The following NEURL1 variants were observed in gnomAD, a reference collection of about 807,000 sequenced individuals.
NEURL1 encodes the protein E3 ubiquitin-protein ligase NEURL1.
In NEURL1, 26 loss-of-function variants were observed where a neutral mutation model predicts 41.2. That is an observed-to-expected ratio of 0.63 (90% confidence interval 0.46 to 0.87). The LOEUF is 0.87. NEURL1 is among the 40% of genes least tolerant of loss of function. NEURL1 has a pLI of 0.00. For missense variants in NEURL1, 761 were observed against 871.1 expected, an observed-to-expected ratio of 0.87 and a Z score of 1.59; for synonymous variants, 400 against 402.3, an observed-to-expected ratio of 0.99 and a Z score of 0.07.
At chr10:103,560,755 A>G (rs2035274949) in intron 1 of NEURL1, among the ~76,000 whole-genome samples, 1 of 152,132 alleles carries the variant, frequency 6.6e-6, no homozygotes, top group Admixed American at 6.5e-5. Flanking sequence ...GAACCTCTGC[A>G]CCAGTGCGAC....
At chr10:103,589,681 G>A (rs1306354172) in intron 5 of NEURL1, 21 bp downstream of exon 5, 3 of 1,596,274 alleles carry the variant, frequency 1.9e-6, no homozygotes, top group Non-Finnish European at 2.6e-6. Context: ...TGGCTCCTCT[G>A]TTCCTTGGTG....
Position 103,553,666 on chromosome 10 carries a change from C to T in NEURL1, c.86-17206C>T, listed in dbSNP as rs142778200. 7.8e-3 allele frequency among the ~76,000 whole-genome samples: 1,193 copies of T among 152,298 alleles called. 10 individuals are homozygous for T. The highest frequency in any genetic ancestry group is 0.027 in the African/African-American group (1,110 of 41,562). On this transcript the variant is annotated intron_variant, in intron 1 of 5. Transcript: ENST00000369780. ...GTGGGAGCAGCAGGGTCTTGAGCTG[C>T]GGGCTCAGGACCCAGTCCAGTCCCT...
chr10:103,497,848 T>C (rs903237547), intron 1 of NEURL1, among the ~76,000 whole-genome samples: 7 of 151,972 alleles, frequency 4.6e-5, no homozygotes, highest in Non-Finnish European at 1.0e-4. Context: ...TGGAATCAAG[T>C]GTTTGCTTGG....
chr10:103,584,150 A>G (rs2035844458), intron 3 of NEURL1, among the ~76,000 whole-genome samples: 1 of 152,192 alleles, frequency 6.6e-6, no homozygotes, highest in African/African-American at 2.4e-5. Context: ...CTGTTTGTCA[A>G]CAGAATGCTT....
At chr10:103,538,476 C>G (rs2034744942) in intron 1 of NEURL1, among the ~76,000 whole-genome samples, 2 of 149,356 alleles carry the variant, frequency 1.3e-5, no homozygotes, top group South Asian at 2.3e-4. Flanking sequence ...GAGGCTGAGG[C>G]AGGAGAATCA....
At chr10:103,505,359 G>T (rs1478051694) in intron 1 of NEURL1, among the ~76,000 whole-genome samples, 1 of 151,986 alleles carries the variant, frequency 6.6e-6, no homozygotes, top group Non-Finnish European at 1.5e-5. Context: ...GAATAGCTGG[G>T]ATTACAGGCA....
At chr10:103,510,321 C>T (rs1308452281) in intron 1 of NEURL1, among the ~76,000 whole-genome samples, 3 of 152,222 alleles carry the variant, frequency 2.0e-5, no homozygotes, top group African/African-American at 7.2e-5. Flanking sequence ...ACACCCACGG[C>T]CACTGCTTTG....
chr10:103,583,705 CAA>C (rs1228630032), intron 3 of NEURL1, among the ~76,000 whole-genome samples: 1,531 of 18,924 alleles, frequency 0.081, 4 homozygotes, highest in African/African-American at 0.25. Context: ...GATCCTGTCT[CAA>C]AAAAAAAAAA....
chr10:103,590,069 C>T, intron 5 of NEURL1, 65 bp from the exon 6 acceptor site: 3 of 1,507,898 alleles, frequency 2.0e-6, no homozygotes, highest in Non-Finnish European at 2.7e-6. Flanking sequence ...GGGGAGCTCT[C>T]TTCCCGTGAA....
intron 1 of NEURL1, among the ~76,000 whole-genome samples, chr10:103,505,023 TA>T (rs2033914403): frequency 6.6e-6 from 1 of 150,460 alleles, no homozygotes; most frequent in African/African-American, 2.4e-5. Flanking sequence ...AATGTGCCAT[TA>T]AAAAAATAAT....
intron 1 of NEURL1, among the ~76,000 whole-genome samples, chr10:103,569,165 G>A (rs2035486356): frequency 6.6e-6 from 1 of 152,124 alleles, no homozygotes; most frequent in African/African-American, 2.4e-5. Flanking sequence ...TCTAGAATTT[G>A]ATAAAAAATG....
intron 3 of NEURL1, 88 bp downstream of exon 3, chr10:103,571,910 G>C (rs1311353501): frequency 1.8e-5 from 24 of 1,297,782 alleles, no homozygotes; most frequent in Non-Finnish European, 2.4e-5. Flanking sequence ...ATCCCATCAG[G>C]CGTAGGGACC....
chr10:103,507,598 T>C (rs189152900), intron 1 of NEURL1, among the ~76,000 whole-genome samples: 1 of 152,244 alleles, frequency 6.6e-6, no homozygotes, highest in African/African-American at 2.4e-5. Flanking sequence ...CTGGGGGCTC[T>C]GTGGAAGGTC....
At chr10:103,583,548 C>G (rs907825240) in intron 3 of NEURL1, among the ~76,000 whole-genome samples, 2 of 151,474 alleles carry the variant, frequency 1.3e-5, no homozygotes, top group African/African-American at 4.9e-5. Context: ...AATACCGTCT[C>G]TACCCCAAAA....
intron 1 of NEURL1, among the ~76,000 whole-genome samples, chr10:103,526,756 T>A (rs1036340930): frequency 5.9e-5 from 9 of 152,062 alleles, no homozygotes; most frequent in African/African-American, 2.2e-4. Flanking sequence ...ATGATCCACC[T>A]GCCTTGGCCT....
At position 103,553,077 on chromosome 10, in the gene NEURL1, G is replaced by A. The variant is rs79057180; in HGVS notation, c.86-17795G>A. On this transcript the variant is annotated intron_variant, in intron 1 of 5. Transcript: ENST00000369780. ...CATGTGCGAGGGATTGGTGGGCAAG[G>A]GGCCAGCTGAGTGTGTTAAAAGGCA... 6.7e-4 allele frequency among the ~76,000 whole-genome samples: 102 copies of A among 152,290 alleles called. No homozygotes were observed. In the East Asian group the frequency reaches 0.015, roughly 22 times the overall value.
At chr10:103,585,627 G>A (rs1415521490) in intron 4 of NEURL1, among the ~76,000 whole-genome samples, 3 of 152,122 alleles carry the variant, frequency 2.0e-5, no homozygotes, top group Non-Finnish European at 4.4e-5. Flanking sequence ...GAGGTCAGGA[G>A]ATCAAGACCA....
In NEURL1 at chr10:103,545,170, G is replaced by GGT. The variant is rs1350797260; in HGVS notation, c.86-25700_86-25699dup. Among the ~76,000 whole-genome samples the GGT allele has an allele frequency of 3.9e-5, 6 of 152,314 alleles. No homozygotes were observed. Among genetic ancestry groups the GGT allele is most frequent in the African/African-American group, 1.4e-4 (6 of 41,568 alleles). ...GCAGGGAACAGCTAGGAGCTAGAGC[G>GGT]GTGGGTTTCTGTCATTGCAGTCACC... is the stretch of plus-strand genomic sequence containing the variant. On this transcript the variant is annotated intron_variant, in intron 1 of 5. Coordinates refer to ENST00000369780, the MANE Select transcript of NEURL1 (RefSeq NM_004210.5). The surrounding 1 kb of genome is among the most constrained non-coding windows in gnomAD (Gnocchi z 4.5).
At chr10:103,550,404 T>G (rs1374755283) in intron 1 of NEURL1, 1 of 152,364 alleles carries the variant, frequency 6.6e-6, no homozygotes, top group Non-Finnish European at 1.5e-5. Flanking sequence ...CAGCTGGGGA[T>G]TCTGTCAGAC....
Sources: allele counts gnomAD v4.1 joint callset (sites outside exome capture counted in the v4.1 genomes callset), GRCh38; gene constraint gnomAD v4.1.1; non-coding constraint Gnocchi (gnomAD v3.1); transcripts MANE v1.5; gene names NCBI Gene and HGNC (gene_info 2026-07-23, HGNC 2026-07-21).